PCDHGA8: variants seen among roughly 807,000 people sequenced by gnomAD.
PCDHGA8 encodes protocadherin gamma-A8.
Under a neutral mutation model 59.2 loss-of-function variants are expected in PCDHGA8, and 45 were observed. That is an observed-to-expected ratio of 0.76 (90% CI 0.60 to 0.98). The LOEUF (loss-of-function observed/expected upper bound fraction) is 0.98, where lower values mean the gene tolerates loss of function less well. PCDHGA8 is among the 50% of genes least tolerant of loss of function. The pLI is 0.00. For synonymous variants in PCDHGA8, 531 were observed against 519.0 expected (o/e 1.02, Z -0.32); for missense variants, 1,257 against 1,196.2 (o/e 1.05, Z -0.75).
intron 1 of PCDHGA8, among the ~76,000 whole-genome samples, chr5:141,456,276 C>T (rs1319517390): frequency 1.3e-5 from 2 of 152,146 alleles, no homozygotes; most frequent in South Asian, 4.1e-4. Flanking sequence ...CTACTTCCTG[C>T]TGAAAAGGGG....
At chr5:141,469,044 A>C (rs1247890388) in intron 1 of PCDHGA8, among the ~76,000 whole-genome samples, 1 of 152,128 alleles carries the variant, frequency 6.6e-6, no homozygotes, top group East Asian at 1.9e-4. Context: ...TGGGAGGCCA[A>C]GGTGGGAGGA....
intron 1 of PCDHGA8, chr5:141,442,107 C>A: frequency 6.0e-6 from 1 of 166,198 alleles, no homozygotes; most frequent in Non-Finnish European, 1.3e-5. Flanking sequence ...CCACCACTAC[C>A]GCCCCTCGTC....
At position 141,432,688 on chromosome 5, in the gene PCDHGA8, A is replaced by G. The variant is rs143889434; in HGVS notation, c.2424+37451A>G. On this transcript the variant is annotated intron_variant, in intron 1 of 3. Coordinates refer to ENST00000398604, the MANE Select transcript of PCDHGA8 (RefSeq NM_032088.2). The surrounding 1 kb of genome is among the most constrained non-coding windows in gnomAD (Gnocchi z 6.0). ...GAGACGCGCTCAAGCAGAGCCTCGT[A>G]GTGGCCGTCCAGGACCACGGCCAGC... 2,218 of 1,613,894 alleles carry G rather than the reference A, an allele frequency of 1.4e-3. 31 individuals are homozygous for G. The African/African-American group carries it at 0.023, about 17-fold the overall frequency.
At chr5:141,396,447 C>T (rs1200125693) in intron 1 of PCDHGA8, 2 of 152,068 alleles carry the variant, frequency 1.3e-5, no homozygotes, top group South Asian at 2.1e-4. Flanking sequence ...GGTGAAACCC[C>T]GTCTCTACTA....
chr5:141,398,711 C>T, intron 1 of PCDHGA8: 2 of 1,613,822 alleles, frequency 1.2e-6, no homozygotes, highest in South Asian at 1.1e-5. Context: ...CCGGAACTGG[C>T]ACTGGAGAAA....
At chr5:141,408,956 A>G in intron 1 of PCDHGA8, 1 of 1,613,714 alleles carries the variant, frequency 6.2e-7, no homozygotes, top group Non-Finnish European at 8.5e-7. Flanking sequence ...AATTAGTCTT[A>G]GTGAAAATCT....
rs766151180 is a variant in PCDHGA8 at position 141,432,210 on chromosome 5, A to G, written c.2424+36973A>G. On this transcript the variant is annotated intron_variant, in intron 1 of 3. Transcript: ENST00000398604. This position sits in a 1 kb window ranked among gnomAD's most constrained non-coding sequence, Gnocchi z 6.0. Reference sequence around the variant, plus strand: ...GCCCACGACCCCGACTGTGAAGAGAACGCCCAGATCACTTATTCCCTGGCT... The same window carrying G: ...GCCCACGACCCCGACTGTGAAGAGAGCGCCCAGATCACTTATTCCCTGGCT... 1 of 1,614,138 alleles carries G rather than the reference A, an allele frequency of 6.2e-7. No individual in the cohort carries two copies. Among genetic ancestry groups the G allele is most frequent in the Non-Finnish European group, 8.5e-7 (1 of 1,180,018 alleles).
At chr5:141,480,873 C>T (rs1026513782) in intron 1 of PCDHGA8, among the ~76,000 whole-genome samples, 5 of 152,050 alleles carry the variant, frequency 3.3e-5, no homozygotes, top group Non-Finnish European at 7.4e-5. Context: ...GGTGAAACCC[C>T]GTCTCTACTA....
chr5:141,425,949 C>T (rs2096905190), intron 1 of PCDHGA8, among the ~76,000 whole-genome samples: 1 of 152,224 alleles, frequency 6.6e-6, no homozygotes. Flanking sequence ...GTTTCCTATA[C>T]ATTAGTCCAA....
At chr5:141,448,086 TA>T (rs558292628) in intron 1 of PCDHGA8, among the ~76,000 whole-genome samples, 67 of 146,274 alleles carry the variant, frequency 4.6e-4, no homozygotes, top group African/African-American at 8.0e-4. Context: ...AATGCCATCT[TA>T]AAAAAAAAAA....
chr5:141,423,897 T>G, intron 1 of PCDHGA8: 7 of 1,278,866 alleles, frequency 5.5e-6, no homozygotes, highest in Non-Finnish European at 6.9e-6. Flanking sequence ...TTTCTTTTGA[T>G]TTCAAAGGGG....
At chr5:141,504,476 A>G (rs998883721) in intron 2 of PCDHGA8, among the ~76,000 whole-genome samples, 4 of 152,016 alleles carry the variant, frequency 2.6e-5, no homozygotes, top group African/African-American at 9.7e-5. Context: ...GGATGGGAGT[A>G]CAGTGGAGGC....
chr5:141,452,884 A>C (rs746547069), intron 1 of PCDHGA8, among the ~76,000 whole-genome samples: 1 of 152,204 alleles, frequency 6.6e-6, no homozygotes, highest in Non-Finnish European at 1.5e-5. Flanking sequence ...GTAATAATTT[A>C]TTCCACTTTT....
rs770760145 is a variant in PCDHGA8 at position 141,421,951 on chromosome 5, A to C, written c.2424+26714A>C. On this transcript the variant is annotated intron_variant, in intron 1 of 3. Transcript: ENST00000398604. Reference sequence around the variant, plus strand: ...CCTCGATGTAAATGATCACATCCCAATGTTTACACAGTCCGTATATCGCGT... The same window carrying C: ...CCTCGATGTAAATGATCACATCCCACTGTTTACACAGTCCGTATATCGCGT... 1.9e-6 allele frequency: 3 copies of C among 1,612,854 alleles called. No homozygotes were observed. The highest frequency in any genetic ancestry group is 2.5e-6 in the Non-Finnish European group (3 of 1,179,434).
At chr5:141,447,214 A>G (rs2098530358) in intron 1 of PCDHGA8, among the ~76,000 whole-genome samples, 1 of 152,092 alleles carries the variant, frequency 6.6e-6, no homozygotes, top group Admixed American at 6.6e-5. Context: ...ATCTCGGCTC[A>G]CTGCAACCTC....
chr5:141,468,950 T>TG (rs752125489), intron 1 of PCDHGA8, among the ~76,000 whole-genome samples: 34 of 140,680 alleles, frequency 2.4e-4, no homozygotes, highest in African/African-American at 4.9e-4. Context: ...GGTAAACCTG[T>TG]GGTTTTTTTT....
At chr5:141,469,191 G>A (rs1431459571) in intron 1 of PCDHGA8, among the ~76,000 whole-genome samples, 1 of 151,882 alleles carries the variant, frequency 6.6e-6, no homozygotes, top group Admixed American at 6.6e-5. Flanking sequence ...CAAGAGGATT[G>A]CTTGAGCCTT....
In PCDHGA8 at chr5:141,433,056, G is replaced by T. The variant is rs1422450948; in HGVS notation, c.2424+37819G>T. ...TCCCTCACCACGGACTCGCGGAAGA[G>T]TCACCTGATCTTCCCCCAGCCCAAC... On this transcript the variant is annotated intron_variant, in intron 1 of 3. Coordinates refer to ENST00000398604, the MANE Select transcript of PCDHGA8 (RefSeq NM_032088.2). The T allele has an allele frequency of 6.8e-6, 11 of 1,614,086 alleles. No homozygotes were observed. In the South Asian group the frequency reaches 1.1e-4, roughly 16 times the overall value.
rs772962568 is a variant in PCDHGA8, at chr5:141,476,311, G to A, written c.2425-18496G>A. The stretch of plus-strand genomic sequence containing the variant: ...ATCTCGGTAGCCTCTCAGCCCGCAG[G>A]TTCCGGGTGGTGTCTGGAGCTAGCC... On this transcript the variant is annotated intron_variant, in intron 1 of 3. Transcript: ENST00000398604. The surrounding 1 kb of genome is among the most constrained non-coding windows in gnomAD (Gnocchi z 7.6). 13 of 1,613,680 alleles carry A rather than the reference G, an allele frequency of 8.1e-6. No individual in the cohort carries two copies. The African/African-American group carries it at 1.5e-4, about 18-fold the overall frequency.
Sources: allele counts gnomAD v4.1 joint callset (sites outside exome capture counted in the v4.1 genomes callset), GRCh38; gene constraint gnomAD v4.1.1; non-coding constraint Gnocchi (gnomAD v3.1); transcripts MANE v1.5; gene names NCBI Gene and HGNC (gene_info 2026-07-23, HGNC 2026-07-21).